R3HDM1: variants seen among roughly 807,000 people sequenced by gnomAD.
The protein encoded by R3HDM1 is R3H domain-containing protein 1.
In R3HDM1, 46 loss-of-function variants were observed where a neutral mutation model predicts 141.1. The ratio of observed to expected loss-of-function variants is 0.33; its 90% CI spans 0.26 to 0.42. The LOEUF (loss-of-function observed/expected upper bound fraction) is 0.42. R3HDM1 is among the 10% of genes least tolerant of loss of function. The pLI, the probability that R3HDM1 is intolerant of heterozygous loss-of-function variation, is 1.00. For synonymous variants in R3HDM1, 435 were observed against 472.9 expected (o/e 0.92, Z 1.04); for missense variants, 1,184 against 1,368.3 (o/e 0.87, Z 2.12).
chr2:135,561,311 G>C (rs1386928589), intron 1 of R3HDM1: 6 of 985,196 alleles, frequency 6.1e-6, no homozygotes, highest in East Asian at 2.3e-4. Context: ...TTTTGCCTTC[G>C]GATAAGTTTT....
intron 23 of R3HDM1, among the ~76,000 whole-genome samples, chr2:135,711,821 T>C (rs1575196385): frequency 6.6e-6 from 1 of 152,152 alleles, no homozygotes; most frequent in South Asian, 2.1e-4. Flanking sequence ...TAGCTGGACG[T>C]GGTGGCGGGC....
intron 1 of R3HDM1, among the ~76,000 whole-genome samples, chr2:135,545,421 A>G (rs1698483748): frequency 6.6e-6 from 1 of 152,216 alleles, no homozygotes; most frequent in African/African-American, 2.4e-5. Flanking sequence ...GGCCTGTTTT[A>G]CACAAGGTAG....
At chr2:135,607,055 C>G (rs1053959780) in intron 3 of R3HDM1, 17 of 152,078 alleles carry the variant, frequency 1.1e-4, no homozygotes, top group African/African-American at 3.4e-4. Flanking sequence ...GTGGCGCAAC[C>G]TTGGCTTACT....
At chr2:135,570,864 A>G (rs1388685543) in intron 1 of R3HDM1, among the ~76,000 whole-genome samples, 1 of 152,210 alleles carries the variant, frequency 6.6e-6, no homozygotes, top group Admixed American at 6.5e-5. Context: ...GTTTTTAAAA[A>G]ATCATCTAGC....
intron 1 of R3HDM1, among the ~76,000 whole-genome samples, chr2:135,577,838 CAAAAAAAAAAA>C (rs541600763): frequency 1.6e-5 from 1 of 62,872 alleles, no homozygotes; most frequent in Non-Finnish European, 3.9e-5. Flanking sequence ...AACTTCATCT[CAAAAAAAAAAA>C]AAAAAAAAAA....
chr2:135,632,372 G>T (rs139149475), intron 9 of R3HDM1, among the ~76,000 whole-genome samples: 1 of 149,856 alleles, frequency 6.7e-6, no homozygotes, highest in Non-Finnish European at 1.5e-5. Flanking sequence ...GACTTTGTCC[G>T]TGACACCCTC....
rs911009655 is a variant in R3HDM1 at position 135,630,281 on chromosome 2, C to CAAAAAAAAA, written c.498-1418_498-1410dup. 4.5e-3 allele frequency among the ~76,000 whole-genome samples: 175 copies of CAAAAAAAAA among 39,312 alleles called. 9 individuals carry two copies. The highest frequency in any genetic ancestry group is 8.9e-3 in the African/African-American group (96 of 10,840). 25.8% of individuals were successfully genotyped at this position (39,312 alleles called of 152,430 possible). ...AACAAGAGCGAAACTCCTTCTCAACCAAAAAAAAAAAAAAAAAAAAAAAAA... is the reference window on the plus strand; with the variant it reads ...AACAAGAGCGAAACTCCTTCTCAACCAAAAAAAAAAAAAAAAAAAAAAAAAAAAAAAAAA... On this transcript the variant is annotated intron_variant, in intron 7 of 26. Coordinates refer to ENST00000683871, the MANE Select transcript of R3HDM1 (RefSeq NM_001378107.1).
chr2:135,614,158 C>T (rs932418183), intron 3 of R3HDM1, among the ~76,000 whole-genome samples: 1 of 152,190 alleles, frequency 6.6e-6, no homozygotes, highest in Non-Finnish European at 1.5e-5. Context: ...GATAATTTTA[C>T]TTCTCTGTAT....
At chr2:135,711,515 T>G (rs1190931489) in intron 23 of R3HDM1, among the ~76,000 whole-genome samples, 1 of 148,486 alleles carries the variant, frequency 6.7e-6, no homozygotes, top group Non-Finnish European at 1.5e-5. Flanking sequence ...TACAAAAAAT[T>G]ATTCGGCCAT....
chr2:135,700,035 CAA>C (rs964174512), intron 21 of R3HDM1, among the ~76,000 whole-genome samples: 2 of 152,124 alleles, frequency 1.3e-5, no homozygotes, highest in African/African-American at 4.8e-5. Context: ...GGATATTTAA[CAA>C]AATGCAAAAT....
At chr2:135,669,863 G>A (rs2068064522) in intron 19 of R3HDM1, among the ~76,000 whole-genome samples, 1 of 152,112 alleles carries the variant, frequency 6.6e-6, no homozygotes, top group African/African-American at 2.4e-5. Context: ...GTGTGACTGG[G>A]CGCAGTGGCT....
intron 9 of R3HDM1, among the ~76,000 whole-genome samples, 188 bp from the exon 10 acceptor site, chr2:135,635,702 C>T (rs923894637): frequency 5.9e-5 from 9 of 152,170 alleles, no homozygotes; most frequent in Admixed American, 2.0e-4. Flanking sequence ...TCAACCATAA[C>T]ATGGAATAGT....
At chr2:135,613,007 C>T (rs975562147) in intron 3 of R3HDM1, among the ~76,000 whole-genome samples, 1 of 152,172 alleles carries the variant, frequency 6.6e-6, no homozygotes, top group African/African-American at 2.4e-5. Context: ...AACAATGCCA[C>T]TTTAGCAATT....
rs186003143 is a variant in R3HDM1 at position 135,614,787 on chromosome 2, A to T, written c.172-1365A>T. 3.9e-5 allele frequency among the ~76,000 whole-genome samples: 6 copies of T among 152,100 alleles called. No homozygotes were observed. In the East Asian group the frequency reaches 9.6e-4, roughly 24 times the overall value. On this transcript the variant is annotated intron_variant, in intron 3 of 26. Coordinates refer to ENST00000683871, the MANE Select transcript of R3HDM1 (RefSeq NM_001378107.1). Reference sequence around the variant, plus strand: ...AACTCATTTAGGTATGTGCATTTTCATAGTATTCACCTGTTGCTTTTCTCT... The same window carrying T: ...AACTCATTTAGGTATGTGCATTTTCTTAGTATTCACCTGTTGCTTTTCTCT...
chr2:135,622,127 G>T (rs1320474214), intron 6 of R3HDM1: 1 of 982,564 alleles, frequency 1.0e-6, no homozygotes, highest in Non-Finnish European at 1.2e-6. Flanking sequence ...CTACATTTAA[G>T]GCGAAGATAG....
chr2:135,580,034 G>A (rs1044479657), intron 1 of R3HDM1, among the ~76,000 whole-genome samples: 4 of 152,102 alleles, frequency 2.6e-5, no homozygotes, highest in Non-Finnish European at 2.9e-5. Flanking sequence ...CGAGACAGGC[G>A]GATCACTTGA....
chr2:135,669,381 T>G (rs2067989430), intron 19 of R3HDM1: 1 of 985,006 alleles, frequency 1.0e-6, no homozygotes, highest in African/African-American at 1.7e-5. Flanking sequence ...ATGCTTATAC[T>G]CACCAATAAA....
Position 135,531,497 on chromosome 2 carries a change from C to T in R3HDM1, c.-386C>T, listed in dbSNP as rs1367661597. The T allele has an allele frequency of 7.1e-6, 7 of 985,710 alleles. No homozygotes were observed. Among genetic ancestry groups the T allele is most frequent in the African/African-American group, 1.7e-5 (1 of 57,186 alleles). 61.1% of individuals were successfully genotyped at this position (985,710 alleles called of 1,614,324 possible). ...GGAAGGGGCGGGATTCTGCCAGCCG[C>T]GGCTGCCGCTGGAGCCGGTGTCCGG... is the stretch of plus-strand genomic sequence containing the variant. On this transcript the variant is annotated 5_prime_UTR_variant, in exon 1 of 27. Coordinates refer to ENST00000683871, the MANE Select transcript of R3HDM1 (RefSeq NM_001378107.1).
chr2:135,675,249 A>G lies in R3HDM1; in HGVS notation c.2153-83A>G, dbSNP rs1158847858. On this transcript the variant is annotated intron_variant, in intron 19 of 26. Coordinates refer to ENST00000683871, the MANE Select transcript of R3HDM1 (RefSeq NM_001378107.1). ...TCAAAATTTTATCATTTTAGAGCAT[A>G]AAAGTACTCGCTTAAATTTTTTTTT... The G allele has an allele frequency of 2.2e-6, 3 of 1,335,468 alleles. No homozygotes were observed. In the East Asian group the frequency reaches 7.2e-5, roughly 32 times the overall value. The allele number at this position is 1,335,468 out of a possible 1,614,324, so 82.7% of individuals were successfully genotyped here.
Sources: allele counts gnomAD v4.1 joint callset (sites outside exome capture counted in the v4.1 genomes callset), GRCh38; gene constraint gnomAD v4.1.1; transcripts MANE v1.5; gene names NCBI Gene and HGNC (gene_info 2026-07-23, HGNC 2026-07-21).